ESRRG: variants seen among roughly 807,000 people sequenced by gnomAD.
ESRRG encodes estrogen-related receptor gamma.
In ESRRG, 13 loss-of-function variants were observed where a neutral mutation model predicts 44.0. That is an observed-to-expected ratio of 0.30 (90% confidence interval 0.19 to 0.47). The LOEUF (loss-of-function observed/expected upper bound fraction) is 0.47. Among genes scored for constraint, ESRRG ranks in the 20% least tolerant of loss-of-function variants. The pLI, the probability that ESRRG is intolerant of heterozygous loss-of-function variation, is 1.00. For synonymous variants in ESRRG, 215 were observed against 214.6 expected, an observed-to-expected ratio of 1.00 and a Z score of -0.02; for missense variants, 395 against 580.6, an observed-to-expected ratio of 0.68 and a Z score of 3.29.
At chr1:216,775,434 C>G (rs72739421) in intron 2 of ESRRG, among the ~76,000 whole-genome samples, 17,775 of 151,898 alleles carry the variant, frequency 0.12, 1,313 homozygotes, top group Non-Finnish European at 0.17. Context: ...GTCATCATCT[C>G]CTCCCCAGAA....
chr1:217,018,370 C>T (rs2079755276), intron 1 of ESRRG, among the ~76,000 whole-genome samples: 2 of 152,168 alleles, frequency 1.3e-5, no homozygotes, highest in African/African-American at 2.4e-5. Context: ...CATCCTCCAC[C>T]TAGCAGTGAG....
intron 2 of ESRRG, among the ~76,000 whole-genome samples, chr1:216,836,093 C>CAA (rs34241468): frequency 0.019 from 1,898 of 97,698 alleles, 31 homozygotes; most frequent in African/African-American, 0.054. Context: ...GCTGCGATTT[C>CAA]AAAAAAAAAA....
chr1:216,750,341 C>G (rs964253464), intron 2 of ESRRG, among the ~76,000 whole-genome samples: 1 of 152,120 alleles, frequency 6.6e-6, no homozygotes, highest in Non-Finnish European at 1.5e-5. Context: ...TAGACTTTCT[C>G]TCTCCTAAGA....
At chr1:217,023,116 A>G (rs1369334489) in intron 1 of ESRRG, among the ~76,000 whole-genome samples, 1 of 152,198 alleles carries the variant, frequency 6.6e-6, no homozygotes, top group Admixed American at 6.5e-5. Flanking sequence ...AAGCTAATGC[A>G]ATATATTAAT....
At chr1:217,036,127 G>C (rs1433869018) in intron 1 of ESRRG, among the ~76,000 whole-genome samples, 2 of 152,164 alleles carry the variant, frequency 1.3e-5, no homozygotes, top group Non-Finnish European at 2.9e-5. Context: ...TCTCAAGCCA[G>C]TCAGAATGGG....
chr1:216,611,847 T>C (rs1417024895), intron 3 of ESRRG, among the ~76,000 whole-genome samples: 1 of 152,198 alleles, frequency 6.6e-6, no homozygotes, highest in Non-Finnish European at 1.5e-5. Context: ...TTTGGATATG[T>C]TGAATTTCTC....
At position 216,588,474 on chromosome 1, in the gene ESRRG, T is replaced by C. The variant is rs75367535; in HGVS notation, c.590-20376A>G. ...TAACTATAATTTTATGGCCTTTATGTTCTAGATATTTCAAATATACTAGTC... is the reference window on the plus strand; with the variant it reads ...TAACTATAATTTTATGGCCTTTATGCTCTAGATATTTCAAATATACTAGTC... On this transcript the variant is annotated intron_variant, in intron 3 of 6. Coordinates refer to ENST00000408911, the MANE Select transcript of ESRRG (RefSeq NM_001438.4). 3.9e-5 allele frequency among the ~76,000 whole-genome samples: 6 copies of C among 152,318 alleles called. No individual in the cohort carries two copies. The East Asian group carries it at 1.2e-3, about 29-fold the overall frequency.
intron 1 of ESRRG, among the ~76,000 whole-genome samples, chr1:216,943,919 G>A (rs1036218973): frequency 6.6e-6 from 1 of 152,100 alleles, no homozygotes; most frequent in African/African-American, 2.4e-5. Context: ...TGGATGCTGG[G>A]GAGATGTAGG....
chr1:216,941,253 AG>A (rs1239472773), intron 1 of ESRRG, among the ~76,000 whole-genome samples: 1 of 152,220 alleles, frequency 6.6e-6, no homozygotes, highest in East Asian at 1.9e-4. Flanking sequence ...GACCTAATTT[AG>A]GTTGTTGCTT....
At chr1:216,578,608 A>G (rs779195338) in intron 3 of ESRRG, among the ~76,000 whole-genome samples, 3 of 152,144 alleles carry the variant, frequency 2.0e-5, no homozygotes, top group Admixed American at 6.6e-5. Context: ...TATGAAATCA[A>G]GAGAATACAG....
At chr1:216,664,204 CA>C (rs1342682965) in intron 2 of ESRRG, among the ~76,000 whole-genome samples, 2 of 151,930 alleles carry the variant, frequency 1.3e-5, no homozygotes, top group African/African-American at 2.4e-5. Context: ...ATATACAAGG[CA>C]GTGTAATGAA....
chr1:216,743,640 T>C (rs1408716031), intron 2 of ESRRG, among the ~76,000 whole-genome samples: 3 of 150,210 alleles, frequency 2.0e-5, no homozygotes, highest in African/African-American at 7.4e-5. Flanking sequence ...ACCATTGCCA[T>C]CATCTTCACT....
chr1:216,618,869 TG>T (rs1303908249), intron 3 of ESRRG, among the ~76,000 whole-genome samples: 2 of 152,330 alleles, frequency 1.3e-5, no homozygotes, highest in Admixed American at 1.3e-4. Flanking sequence ...ATGGGTGGCC[TG>T]GGGTCAACGA....
At chr1:216,977,341 T>TATAC (rs146010546) in intron 1 of ESRRG, among the ~76,000 whole-genome samples, 1,943 of 144,010 alleles carry the variant, frequency 0.013, 40 homozygotes, top group African/African-American at 0.035. Flanking sequence ...GGAGGATACA[T>TATAC]ACACACACAC....
At chr1:217,092,538 TTACC>T (rs899348814), upstream of ESRRG, among the ~76,000 whole-genome samples, 1 of 152,154 alleles carries the variant, frequency 6.6e-6, no homozygotes, top group African/African-American at 2.4e-5. Context: ...AGCTCTCTGC[TTACC>T]TACCTACCTA....
At chr1:216,588,432 C>A (rs1464304390) in intron 3 of ESRRG, among the ~76,000 whole-genome samples, 6 of 152,086 alleles carry the variant, frequency 3.9e-5, no homozygotes, top group Non-Finnish European at 8.8e-5. Flanking sequence ...CATTATCAAA[C>A]ATAAAATAGA....
At chr1:216,625,151 C>G (rs1017812843) in intron 3 of ESRRG, among the ~76,000 whole-genome samples, 9 of 152,260 alleles carry the variant, frequency 5.9e-5, no homozygotes, top group African/African-American at 2.2e-4. Flanking sequence ...TGAACTGTCT[C>G]TTTCCCCTTT....
At chr1:216,723,462 G>T (rs946950824), upstream of ESRRG, 3 of 644,442 alleles carry the variant, frequency 4.7e-6, no homozygotes, top group Non-Finnish European at 8.3e-6. Flanking sequence ...TTAAAGCCCC[G>T]ATTGGAGCTT....
At chr1:216,837,420 A>AT in intron 2 of ESRRG, among the ~76,000 whole-genome samples, 1 of 151,044 alleles carries the variant, frequency 6.6e-6, no homozygotes, top group African/African-American at 2.5e-5. Context: ...CAAAAAAAAA[A>AT]TACAACTTTT....
Sources: gnomAD v4.1 joint callset for allele counts (sites outside exome capture counted in the v4.1 genomes callset) on GRCh38, gnomAD v4.1.1 for gene constraint, MANE v1.5 for transcripts, NCBI Gene and HGNC (gene_info 2026-07-23, HGNC 2026-07-21) for gene names.